Variants in RNF34 observed in about 807,000 individuals in gnomAD.
RNF34 encodes ring finger protein 34, also known as E3 ubiquitin-protein ligase RNF34.
RNF34 carries 12 observed loss-of-function variants against 37.9 expected under a neutral mutation model. That is an observed-to-expected ratio of 0.32 (90% CI 0.20 to 0.51). The LOEUF (loss-of-function observed/expected upper bound fraction) is 0.51, where lower values mean the gene tolerates loss of function less well. Among genes scored for constraint, RNF34 ranks in the 20% least tolerant of loss-of-function variants. The pLI is 0.97. For synonymous variants in RNF34, 155 were observed against 177.2 expected (o/e 0.87, Z 1.00); for missense variants, 362 against 472.7 (o/e 0.77, Z 2.17).
intron 1 of RNF34, among the ~76,000 whole-genome samples, chr12:121,403,649 G>A (rs1277795540): frequency 2.0e-5 from 3 of 152,152 alleles, no homozygotes; most frequent in Non-Finnish European, 2.9e-5. Flanking sequence ...TAGTGGGTGA[G>A]TTCTCTGAGG....
At chr12:121,421,371 TAAAAAAAA>T (rs11398833) in intron 5 of RNF34, among the ~76,000 whole-genome samples, 8 of 46,368 alleles carry the variant, frequency 1.7e-4, no homozygotes, top group Admixed American at 9.8e-4. Context: ...ATCCCATCTC[TAAAAAAAA>T]AAAAAAAAAA....
intron 1 of RNF34, among the ~76,000 whole-genome samples, chr12:121,412,724 C>CTTTT (rs1409875276): frequency 1.6e-5 from 2 of 121,916 alleles, no homozygotes; most frequent in African/African-American, 3.2e-5. Flanking sequence ...GATGTTCATG[C>CTTTT]TTTTTTTTTT....
chr12:121,402,895 A>G (rs1225500358), intron 1 of RNF34: 1 of 1,028,954 alleles, frequency 9.7e-7, no homozygotes, highest in Non-Finnish European at 1.5e-6. Context: ...TTTAGAGTTC[A>G]TCATCTGTTT....
At chr12:121,420,402 G>A in intron 4 of RNF34, 68 bp downstream of exon 4, 1 of 1,553,258 alleles carries the variant, frequency 6.4e-7, no homozygotes. Context: ...GTGCCCTGTG[G>A]ACATTCGCTA....
chr12:121,400,326 C>T (rs1869849264), intron 1 of RNF34, 108 bp downstream of exon 1: 1 of 1,329,760 alleles, frequency 7.5e-7, no homozygotes, highest in Non-Finnish European at 1.0e-6. Context: ...GTCGTCATCT[C>T]GGAGAGCTGC....
intron 1 of RNF34, among the ~76,000 whole-genome samples, chr12:121,407,625 A>G (rs1226868488): frequency 6.6e-6 from 1 of 152,256 alleles, no homozygotes; most frequent in Non-Finnish European, 1.5e-5. Context: ...TTTGTAGAAG[A>G]TGCTTCAATC....
At position 121,416,197 on chromosome 12, in the gene RNF34, G is replaced by T; in HGVS notation, c.45G>T (p.Leu15=). Residue 15 remains leucine, a synonymous_variant, in exon 2 of 6, where the codon CTG becomes CTT. Coordinates refer to ENST00000361234, the MANE Select transcript of RNF34 (RefSeq NM_025126.4). The part of the protein sequence containing the change: ...ATSMWASCCG[L]LNEVMGTGAV... ...CTATGTGGGCTTCGTGCTGTGGGCT[G>T]CTGAATGAAGTCATGGGAACTGGAG... 6.2e-7 allele frequency: 1 copy of T among 1,614,102 alleles called. No homozygotes were observed. Among genetic ancestry groups the T allele is most frequent in the Non-Finnish European group, 8.5e-7 (1 of 1,180,024 alleles).
intron 1 of RNF34, among the ~76,000 whole-genome samples, chr12:121,403,521 G>T (rs372895681): frequency 1.3e-5 from 2 of 151,898 alleles, no homozygotes; most frequent in Non-Finnish European, 2.9e-5. Flanking sequence ...CTGTAAAACC[G>T]ATTATTTTAT....
chr12:121,420,478 C>T (rs1872031236), intron 4 of RNF34, 99 bp from the exon 5 acceptor site: 1 of 1,568,428 alleles, frequency 6.4e-7, no homozygotes, highest in Non-Finnish European at 8.7e-7. Context: ...TCTAGGACTG[C>T]TGAGATGGCT....
intron 3 of RNF34, chr12:121,419,827 C>T (rs192604672): frequency 1.2e-4 from 19 of 160,314 alleles, no homozygotes; most frequent in Admixed American, 4.7e-4. Context: ...AAATCAGATG[C>T]CCCTGATGCT....
intron 4 of RNF34, 63 bp downstream of exon 4, chr12:121,420,397 C>T: frequency 6.4e-7 from 1 of 1,553,548 alleles, no homozygotes; most frequent in African/African-American, 1.4e-5. Flanking sequence ...GGACAGTGCC[C>T]TGTGGACATT....
chr12:121,402,887 T>TA, intron 1 of RNF34: 1 of 1,090,404 alleles, frequency 9.2e-7, no homozygotes, highest in East Asian at 2.4e-5. Flanking sequence ...TATTACATTT[T>TA]AGAGTTCATC....
Position 121,423,710 on chromosome 12 carries a change from GA to G in RNF34, c.*137del. On this transcript the variant is annotated 3_prime_UTR_variant, in exon 6 of 6. Coordinates refer to ENST00000361234, the MANE Select transcript of RNF34 (RefSeq NM_025126.4). The surrounding 1 kb of genome is among the most constrained non-coding windows in gnomAD (Gnocchi z 4.3). ...TTATTTTGACTACTAAGTGGGGACAGAAAGATCCATCCTGAGTTGTGGAAAC... is the reference window on the plus strand; with the variant it reads ...TTATTTTGACTACTAAGTGGGGACAGAAGATCCATCCTGAGTTGTGGAAAC... The G allele has an allele frequency of 1.3e-6, 1 of 779,402 alleles. No homozygotes were observed. Among genetic ancestry groups the G allele is most frequent in the East Asian group, 2.8e-5 (1 of 36,040 alleles). The allele number at this position is 779,402 out of a possible 1,614,324, so 48.3% of individuals were successfully genotyped here. A position where few individuals can be genotyped will look rare whatever the true frequency, so the allele number is the denominator to read the frequency against.
rs1872357032 is a variant in RNF34, at chr12:121,423,643, G to T, written c.*67G>T. 2 of 1,362,154 alleles carry T rather than the reference G, an allele frequency of 1.5e-6. No homozygotes were observed. The highest frequency in any genetic ancestry group is 2.9e-5 in the African/African-American group (2 of 69,514). 84.4% of individuals were successfully genotyped at this position (1,362,154 alleles called of 1,614,324 possible). A position where few individuals can be genotyped will look rare whatever the true frequency, so the allele number is the denominator to read the frequency against. On this transcript the variant is annotated 3_prime_UTR_variant, in exon 6 of 6. Coordinates refer to ENST00000361234, the MANE Select transcript of RNF34 (RefSeq NM_025126.4). The surrounding 1 kb of genome is among the most constrained non-coding windows in gnomAD (Gnocchi z 4.3). ...CCCCAACATTTCAATGCACAGAAGG[G>T]ACTGGAAAGTTATGTTCAAAGGCTG...
intron 1 of RNF34, among the ~76,000 whole-genome samples, chr12:121,400,786 C>G (rs147866946): frequency 6.6e-6 from 1 of 152,174 alleles, no homozygotes; most frequent in African/African-American, 2.4e-5. Flanking sequence ...GCCTCCATCG[C>G]CACTAGGTAA....
At chr12:121,416,464 TTC>T in intron 2 of RNF34, 87 bp downstream of exon 2, 2 of 929,384 alleles carry the variant, frequency 2.2e-6, no homozygotes, top group Non-Finnish European at 3.4e-6. Context: ...GAATTTTCAT[TTC>T]TGTTTATAAA....
rs1555282221 is a variant in RNF34, at chr12:121,416,430, T to G, written c.225+53T>G. On this transcript the variant is annotated intron_variant, in intron 2 of 5. Transcript: ENST00000361234. ...ACACACATGGGTCAGCATTCTTGAT[T>G]GTAGGTTATTTTGAATAGCTATTGA... 12 of 1,224,120 alleles carry G rather than the reference T, an allele frequency of 9.8e-6. No individual in the cohort carries two copies. The Admixed American group carries it at 1.1e-4, about 11-fold the overall frequency. The allele number at this position is 1,224,120 out of a possible 1,614,324, so 75.8% of individuals were successfully genotyped here. A position where few individuals can be genotyped will look rare whatever the true frequency, so the allele number is the denominator to read the frequency against.
chr12:121,410,163 A>G (rs902242888), intron 1 of RNF34, among the ~76,000 whole-genome samples: 2 of 151,960 alleles, frequency 1.3e-5, no homozygotes, highest in Non-Finnish European at 2.9e-5. Flanking sequence ...TCAAAAAAAA[A>G]GAAAAGGAAT....
intron 1 of RNF34, among the ~76,000 whole-genome samples, chr12:121,407,639 C>T (rs1166803734): frequency 6.6e-6 from 1 of 152,096 alleles, no homozygotes; most frequent in Non-Finnish European, 1.5e-5. Context: ...TTCAATCTTA[C>T]TATCAGTATG....
Sources: allele counts gnomAD v4.1 joint callset (sites outside exome capture counted in the v4.1 genomes callset), GRCh38; gene constraint gnomAD v4.1.1; non-coding constraint Gnocchi (gnomAD v3.1); transcripts MANE v1.5; gene names NCBI Gene and HGNC (gene_info 2026-07-23, HGNC 2026-07-21).